The following CRYL1 variants were observed in gnomAD, a reference collection of about 807,000 sequenced individuals.
The protein encoded by CRYL1 is lambda-crystallin homolog.
Under a neutral mutation model 36.6 loss-of-function variants are expected in CRYL1, and 29 were observed. The observed-to-expected ratio is 0.79, with a 90% CI of 0.59 to 1.08. The LOEUF is 1.08. CRYL1 is among the 50% of genes least tolerant of loss of function. The probability of loss-of-function intolerance (pLI) is 0.00; values close to 1 mark genes in which losing one functional copy is unlikely to be tolerated. For missense variants in CRYL1, 411 were observed against 407.9 expected (o/e 1.01, Z -0.06); for synonymous variants, 152 against 151.5 (o/e 1.00, Z -0.02).
chr13:20,463,032 T>C (rs1565972779), intron 3 of CRYL1, among the ~76,000 whole-genome samples: 1 of 152,154 alleles, frequency 6.6e-6, no homozygotes, highest in East Asian at 1.9e-4. Context: ...TTTTACAAGC[T>C]CGTGTAACTA....
intron 2 of CRYL1, among the ~76,000 whole-genome samples, chr13:20,509,213 A>T (rs1488673073): frequency 1.3e-5 from 2 of 150,556 alleles, no homozygotes; most frequent in African/African-American, 2.4e-5. Context: ...AAAAAAAAAA[A>T]TTGATTCAAT....
intron 5 of CRYL1, among the ~76,000 whole-genome samples, chr13:20,414,740 T>A (rs1461151777): frequency 6.6e-6 from 1 of 152,204 alleles, no homozygotes; most frequent in Non-Finnish European, 1.5e-5. Flanking sequence ...CCACCTGTGT[T>A]CCTTGGCCTC....
chr13:20,486,912 A>G (rs867846749), intron 3 of CRYL1, among the ~76,000 whole-genome samples: 7 of 152,200 alleles, frequency 4.6e-5, no homozygotes, highest in African/African-American at 1.4e-4. Context: ...GTACTATGTA[A>G]GTGCTTTACA....
intron 4 of CRYL1, among the ~76,000 whole-genome samples, chr13:20,433,438 G>T (rs1172838826): frequency 6.6e-6 from 1 of 152,208 alleles, no homozygotes; most frequent in Non-Finnish European, 1.5e-5. Flanking sequence ...TGTCACATTT[G>T]CTAAGTGATG....
chr13:20,496,839 C>T (rs577613549), intron 2 of CRYL1, among the ~76,000 whole-genome samples: 25 of 56,232 alleles, frequency 4.4e-4, no homozygotes, highest in Admixed American at 1.1e-3. Context: ...AGCAAGACCC[C>T]GTCTCAAAAA....
chr13:20,437,856 CA>C (rs2032265308), intron 4 of CRYL1, among the ~76,000 whole-genome samples: 1 of 152,142 alleles, frequency 6.6e-6, no homozygotes, highest in African/African-American at 2.4e-5. Flanking sequence ...AGTTTTGTTT[CA>C]AACTAACTTA....
chr13:20,458,168 A>G (rs1284132328), intron 3 of CRYL1, among the ~76,000 whole-genome samples: 1 of 152,250 alleles, frequency 6.6e-6, no homozygotes, highest in East Asian at 1.9e-4. Flanking sequence ...AAGATGTCTT[A>G]CAATCAGTAG....
rs747067284 is a variant in CRYL1, at chr13:20,404,110, A to G, written c.*19T>C. 2.6e-5 allele frequency: 41 copies of G among 1,553,806 alleles called. No individual in the cohort carries two copies. Among genetic ancestry groups the G allele is most frequent in the Non-Finnish European group, 3.6e-5 (40 of 1,125,142 alleles). On this transcript the variant is annotated 3_prime_UTR_variant, in exon 8 of 8. Transcript: ENST00000298248. ...ATAGGGCCTCCAATGAGAGGAGTGGAAGCTGCATTACAAGAAATTCACTGG... is the reference window on the plus strand; with the variant it reads ...ATAGGGCCTCCAATGAGAGGAGTGGGAGCTGCATTACAAGAAATTCACTGG...
chr13:20,487,188 A>G (rs1386983398), intron 3 of CRYL1, among the ~76,000 whole-genome samples: 1 of 152,158 alleles, frequency 6.6e-6, no homozygotes, highest in Non-Finnish European at 1.5e-5. Flanking sequence ...TTCCTAGGGG[A>G]TGACTTTACA....
intron 2 of CRYL1, among the ~76,000 whole-genome samples, chr13:20,506,388 C>T (rs957899451): frequency 6.6e-6 from 1 of 152,148 alleles, no homozygotes; most frequent in African/African-American, 2.4e-5. Context: ...TGACTGCTAA[C>T]AGTCATAAGT....
At chr13:20,465,231 G>A (rs2032908312) in intron 3 of CRYL1, among the ~76,000 whole-genome samples, 1 of 152,156 alleles carries the variant, frequency 6.6e-6, no homozygotes, top group South Asian at 2.1e-4. Flanking sequence ...GATAAACAAG[G>A]TTTCGCAGCA....
intron 3 of CRYL1, among the ~76,000 whole-genome samples, chr13:20,484,419 C>G (rs927670216): frequency 1.4e-4 from 21 of 152,202 alleles, no homozygotes; most frequent in Non-Finnish European, 2.8e-4. Flanking sequence ...TGGTGACTAT[C>G]ACAATTTTTT....
At chr13:20,518,730 A>T (rs920788983) in intron 1 of CRYL1, among the ~76,000 whole-genome samples, 10 of 152,176 alleles carry the variant, frequency 6.6e-5, no homozygotes, top group African/African-American at 2.4e-4. Flanking sequence ...CTGGTGCCCG[A>T]TGCGATGGGA....
rs1284300424 is a variant in CRYL1, at chr13:20,489,383, G to T, written c.263C>A (p.Ala88Asp). The change falls in exon 3 of 8, where the codon GCC becomes GAC. Residue 88 changes from alanine to aspartate, a missense_variant. Coordinates refer to ENST00000298248, the MANE Select transcript of CRYL1 (RefSeq NM_015974.3). Reference sequence around the variant, plus strand: ...TCCTTCACTCACCTGAATGTGCATGGCACCCTCTACTGCTTCTTGGATATT... The same window carrying T: ...TCCTTCACTCACCTGAATGTGCATGTCACCCTCTACTGCTTCTTGGATATT... ...CPNIQEAVEG[A>D]MHIQECVPED... 2 of 1,613,290 alleles carry T rather than the reference G, an allele frequency of 1.2e-6. No individual in the cohort carries two copies. The highest frequency in any genetic ancestry group is 3.3e-5 in the Admixed American group (2 of 60,004).
Position 20,415,458 on chromosome 13 carries a change from G to C in CRYL1, c.634-2071C>G, listed in dbSNP as rs2031637760. On this transcript the variant is annotated intron_variant, in intron 5 of 7. Coordinates refer to ENST00000298248, the MANE Select transcript of CRYL1 (RefSeq NM_015974.3). This position sits in a 1 kb window ranked among gnomAD's most constrained non-coding sequence, Gnocchi z 4.1. ...TTGGACACCGCCCTGCGTCTGCAGA[G>C]AGCGCGGCGGTGAAGCGGGAGCAGG... Among the ~76,000 whole-genome samples the C allele has an allele frequency of 6.6e-6, 1 of 152,322 alleles. No homozygotes were observed. The highest frequency in any genetic ancestry group is 2.1e-4 in the South Asian group (1 of 4,830).
intron 3 of CRYL1, among the ~76,000 whole-genome samples, chr13:20,447,233 C>T (rs763628739): frequency 6.6e-6 from 1 of 152,192 alleles, no homozygotes; most frequent in Non-Finnish European, 1.5e-5. Flanking sequence ...TTCTTTGTGA[C>T]ATCAAGAGCA....
chr13:20,460,578 T>C (rs1244571793), intron 3 of CRYL1, among the ~76,000 whole-genome samples: 1 of 124,278 alleles, frequency 8.0e-6, no homozygotes, highest in African/African-American at 3.1e-5. Context: ...CAGGCTGGAG[T>C]GCAGTGGCGC....
intron 3 of CRYL1, among the ~76,000 whole-genome samples, chr13:20,441,034 T>C (rs2137404696): frequency 6.6e-6 from 1 of 152,158 alleles, no homozygotes; most frequent in Middle Eastern, 3.4e-3. Flanking sequence ...CTCTGACACT[T>C]TGGAAATACT....
intron 3 of CRYL1, among the ~76,000 whole-genome samples, chr13:20,441,234 C>T (rs748731562): frequency 1.3e-5 from 2 of 152,156 alleles, no homozygotes; most frequent in East Asian, 1.9e-4. Context: ...GAATCAACGG[C>T]GTGTCTTGTT....
Sources: gnomAD v4.1 joint callset for allele counts (sites outside exome capture counted in the v4.1 genomes callset) on GRCh38, gnomAD v4.1.1 for gene constraint, Gnocchi (gnomAD v3.1) non-coding constraint, MANE v1.5 for transcripts, NCBI Gene and HGNC (gene_info 2026-07-23, HGNC 2026-07-21) for gene names.